The following PAK1 variants were observed in gnomAD, a reference collection of about 807,000 sequenced individuals.
PAK1 encodes serine/threonine-protein kinase PAK 1.
Under a neutral mutation model 67.4 loss-of-function variants are expected in PAK1, and 29 were observed. The observed-to-expected ratio is 0.43, with a 90% CI of 0.32 to 0.59. The LOEUF (loss-of-function observed/expected upper bound fraction) is 0.59. Ranked by LOEUF, PAK1 falls within the 20% of genes least tolerant of loss-of-function variation. The pLI is 0.07. For missense variants in PAK1, 337 were observed against 670.7 expected (o/e 0.50, Z 5.50); for synonymous variants, 223 against 237.4 (o/e 0.94, Z 0.56).
At chr11:77,483,847 A>T in the PAK1 span, among the ~76,000 whole-genome samples, 1 of 152,216 alleles carries the variant, frequency 6.6e-6, no homozygotes, top group Non-Finnish European at 1.5e-5. Context: ...TAAAGTAGAC[A>T]TGTCTATTTT....
chr11:77,495,494 A>G, the PAK1 span, among the ~76,000 whole-genome samples: 1 of 152,104 alleles, frequency 6.6e-6, no homozygotes, highest in Non-Finnish European at 1.5e-5. Context: ...AGTAAAGTAA[A>G]ATAAAAATAG....
upstream of PAK1, among the ~76,000 whole-genome samples, chr11:77,477,191 G>A (rs1008064957): frequency 2.0e-5 from 3 of 152,142 alleles, no homozygotes; most frequent in African/African-American, 7.2e-5. Flanking sequence ...GAATAAATAA[G>A]TAGGATAAGT....
intron 1 of PAK1, among the ~76,000 whole-genome samples, chr11:77,440,329 G>A (rs1038327953): frequency 1.3e-5 from 2 of 152,124 alleles, no homozygotes; most frequent in Non-Finnish European, 2.9e-5. Flanking sequence ...GAGGCCAGGA[G>A]TTTTGAGACC....
chr11:77,373,552 C>T (rs1349549046), intron 5 of PAK1, among the ~76,000 whole-genome samples: 3 of 144,368 alleles, frequency 2.1e-5, no homozygotes, highest in African/African-American at 5.1e-5. Flanking sequence ...AGAGCAAAAC[C>T]TCGTCTCTTT....
chr11:77,359,024 A>G lies in PAK1; in HGVS notation c.478-7T>C. The G allele has an allele frequency of 6.2e-7, 1 of 1,612,242 alleles. No homozygotes were observed. Among genetic ancestry groups the G allele is most frequent in the Non-Finnish European group, 8.5e-7 (1 of 1,179,052 alleles). ...CAGACACAGCCTTCACATTCTGTGC[A>G]AAGAAGAAAAGCAAGATGCATCTGG... On this transcript the variant is annotated splice_region_variant and splice_polypyrimidine_tract_variant and intron_variant, in intron 5 of 14. Transcript: ENST00000356341.
chr11:77,386,519 G>A (rs1216379955), intron 2 of PAK1, among the ~76,000 whole-genome samples: 1 of 152,094 alleles, frequency 6.6e-6, no homozygotes, highest in Admixed American at 6.5e-5. Flanking sequence ...ACCTATTACA[G>A]GCCCTCAATT....
chr11:77,523,482 C>T, the PAK1 span, among the ~76,000 whole-genome samples: 1 of 150,622 alleles, frequency 6.6e-6, no homozygotes. Flanking sequence ...TGCAGTGACG[C>T]GATCTCAGCT....
At chr11:77,470,788 A>G (rs1161821009) in intron 1 of PAK1, among the ~76,000 whole-genome samples, 3 of 152,262 alleles carry the variant, frequency 2.0e-5, no homozygotes, top group Admixed American at 2.0e-4. Flanking sequence ...ACCAACTTGC[A>G]AATTCAAAAG....
intron 1 of PAK1, among the ~76,000 whole-genome samples, chr11:77,472,484 A>G (rs868436831): frequency 6.6e-6 from 1 of 152,080 alleles, no homozygotes. Context: ...TCTTCAGTGG[A>G]CTCTTGAAAG....
intron 1 of PAK1, chr11:77,408,122 C>T (rs1321141495): frequency 6.6e-6 from 1 of 152,282 alleles, no homozygotes; most frequent in Non-Finnish European, 1.5e-5. Flanking sequence ...TGCATTATCA[C>T]AGCCCCTTGT....
the PAK1 span, among the ~76,000 whole-genome samples, chr11:77,502,857 C>T: frequency 2.0e-5 from 3 of 152,134 alleles, no homozygotes; most frequent in African/African-American, 7.2e-5. Context: ...AGGAGAGATG[C>T]CAAGACAAGA....
chr11:77,456,845 C>T (rs922554425), intron 1 of PAK1, among the ~76,000 whole-genome samples: 3 of 151,904 alleles, frequency 2.0e-5, no homozygotes, highest in Admixed American at 6.6e-5. Context: ...AGGTTCATGC[C>T]GTTTTTCTGC....
At chr11:77,486,170 G>A in the PAK1 span, among the ~76,000 whole-genome samples, 2 of 152,164 alleles carry the variant, frequency 1.3e-5, no homozygotes, top group African/African-American at 2.4e-5. Context: ...TTGCAGCCAA[G>A]TGATCCTAGT....
chr11:77,468,793 C>A (rs537860704), intron 1 of PAK1, among the ~76,000 whole-genome samples: 1 of 152,140 alleles, frequency 6.6e-6, no homozygotes, highest in East Asian at 1.9e-4. Flanking sequence ...GTTATAGTGG[C>A]AAAGTAAAGT....
chr11:77,452,075 C>T (rs1956884060), intron 1 of PAK1, among the ~76,000 whole-genome samples: 1 of 152,148 alleles, frequency 6.6e-6, no homozygotes, highest in Admixed American at 6.5e-5. Context: ...AAGTGACTTG[C>T]CCAAAATCAC....
chr11:77,380,188 T>A (rs1194222305), intron 2 of PAK1, among the ~76,000 whole-genome samples, 194 bp from the exon 3 acceptor site: 1 of 152,198 alleles, frequency 6.6e-6, no homozygotes, highest in East Asian at 1.9e-4. Context: ...ACTTAATTTC[T>A]TGTTGAACTA....
In PAK1 at chr11:77,449,366, C is replaced by G. The variant is rs182290781; in HGVS notation, c.-22+24186G>C. Among the ~76,000 whole-genome samples, 9 of 152,304 alleles carry G rather than the reference C, an allele frequency of 5.9e-5. No individual in the cohort carries two copies. In the East Asian group the frequency reaches 1.3e-3, roughly 23 times the overall value. The stretch of plus-strand genomic sequence containing the variant: ...AGGGCAATGGGAACAACATGAACAT[C>G]AGAGGCATCAACTATCTGTTCTCAT... On this transcript the variant is annotated intron_variant, in intron 1 of 14. Coordinates refer to ENST00000356341, the MANE Select transcript of PAK1 (RefSeq NM_002576.5).
Position 77,459,117 on chromosome 11 carries a change from A to G in PAK1, c.-22+14435T>C, listed in dbSNP as rs1333522752. Among the ~76,000 whole-genome samples, 5 of 152,328 alleles carry G rather than the reference A, an allele frequency of 3.3e-5. No individual in the cohort carries two copies. In the South Asian group the frequency reaches 8.3e-4, roughly 25 times the overall value. ...AAACTGAAACTGTCTATTTAGAGAGATAGAGTAGGGTTAGAAGAGATGATG... is the reference window on the plus strand; with the variant it reads ...AAACTGAAACTGTCTATTTAGAGAGGTAGAGTAGGGTTAGAAGAGATGATG... On this transcript the variant is annotated intron_variant, in intron 1 of 14. Coordinates refer to ENST00000356341, the MANE Select transcript of PAK1 (RefSeq NM_002576.5).
intron 2 of PAK1, among the ~76,000 whole-genome samples, chr11:77,390,287 C>T (rs1311862355): frequency 6.6e-6 from 1 of 152,082 alleles, no homozygotes; most frequent in African/African-American, 2.4e-5. Flanking sequence ...GCAACCTCCG[C>T]CTCCCGGGTT....
Sources: allele counts gnomAD v4.1 joint callset (sites outside exome capture counted in the v4.1 genomes callset), GRCh38; gene constraint gnomAD v4.1.1; transcripts MANE v1.5; gene names NCBI Gene and HGNC (gene_info 2026-07-23, HGNC 2026-07-21).